RAPGEF2: variants seen among roughly 807,000 people sequenced by gnomAD.
RAPGEF2 encodes PDZ domain containing guanine nucleotide exchange factor (GEF) 1.
In RAPGEF2, 54 loss-of-function variants were observed where a neutral mutation model predicts 186.7. The ratio of observed to expected loss-of-function variants is 0.29; its 90% CI spans 0.23 to 0.36. The LOEUF (loss-of-function observed/expected upper bound fraction) is 0.36, where lower values mean the gene tolerates loss of function less well. RAPGEF2 is among the 10% of genes least tolerant of loss of function. The pLI is 1.00. For missense variants in RAPGEF2, 1,532 were observed against 2,045.0 expected (o/e 0.75, Z 4.84); for synonymous variants, 712 against 705.9 (o/e 1.01, Z -0.14).
chr4:159,114,463 C>A (rs1190444525), intron 1 of RAPGEF2, among the ~76,000 whole-genome samples: 1 of 152,056 alleles, frequency 6.6e-6, no homozygotes, highest in Non-Finnish European at 1.5e-5. Flanking sequence ...TCTTGAACTC[C>A]TGGGCTCAAG....
At chr4:159,141,712 A>G (rs1358027218) in intron 1 of RAPGEF2, among the ~76,000 whole-genome samples, 1 of 152,196 alleles carries the variant, frequency 6.6e-6, no homozygotes, top group Non-Finnish European at 1.5e-5. Flanking sequence ...ATGGATTTTC[A>G]TTAAACTTTA....
At chr4:159,120,563 C>T (rs1739560144) in intron 1 of RAPGEF2, among the ~76,000 whole-genome samples, 1 of 152,144 alleles carries the variant, frequency 6.6e-6, no homozygotes, top group Admixed American at 6.6e-5. Flanking sequence ...GATTTATATA[C>T]ATAAACTGCT....
At chr4:159,222,271 C>T (rs1315944596) in intron 4 of RAPGEF2, among the ~76,000 whole-genome samples, 2 of 152,180 alleles carry the variant, frequency 1.3e-5, no homozygotes, top group South Asian at 4.1e-4. Context: ...ATGCAGGCTT[C>T]TGTGGCCTTT....
intron 7 of RAPGEF2, among the ~76,000 whole-genome samples, chr4:159,266,533 G>A (rs967036671): frequency 1.3e-5 from 2 of 151,800 alleles, no homozygotes; most frequent in Non-Finnish European, 2.9e-5. Context: ...TAATGTATCC[G>A]CATTTTATTT....
intron 1 of RAPGEF2, among the ~76,000 whole-genome samples, chr4:159,113,390 A>G (rs1215208318): frequency 6.6e-6 from 1 of 152,198 alleles, no homozygotes; most frequent in African/African-American, 2.4e-5. Context: ...AAGGAAGCAT[A>G]GCTTTTGAAG....
intron 1 of RAPGEF2, among the ~76,000 whole-genome samples, chr4:159,157,693 A>G (rs1744277383): frequency 6.6e-6 from 1 of 152,238 alleles, no homozygotes; most frequent in African/African-American, 2.4e-5. Context: ...GGGAAACCTT[A>G]TGAGACAACA....
intron 4 of RAPGEF2, among the ~76,000 whole-genome samples, chr4:159,232,216 T>G (rs1752722466): frequency 6.6e-6 from 1 of 152,244 alleles, no homozygotes; most frequent in Non-Finnish European, 1.5e-5. Context: ...GTTGTGCCAC[T>G]AGTGGCGCTA....
chr4:159,328,164 C>G (rs1183756825), intron 11 of RAPGEF2: 1 of 152,032 alleles, frequency 6.6e-6, no homozygotes, highest in Non-Finnish European at 1.5e-5. Context: ...CATTCTAAAT[C>G]TCTTATATGT....
chr4:159,302,678 A>G (rs1434611384), intron 7 of RAPGEF2, among the ~76,000 whole-genome samples: 1 of 152,212 alleles, frequency 6.6e-6, no homozygotes, highest in Non-Finnish European at 1.5e-5. Context: ...ACTATTCTAC[A>G]TTATGAATGA....
intron 25 of RAPGEF2, among the ~76,000 whole-genome samples, chr4:159,348,762 A>G (rs1730759667): frequency 6.6e-6 from 1 of 152,200 alleles, no homozygotes; most frequent in Non-Finnish European, 1.5e-5. Flanking sequence ...CTGAAGCCAT[A>G]GCTCTCAAAA....
At chr4:159,198,290 CTT>C (rs879825750) in intron 3 of RAPGEF2, among the ~76,000 whole-genome samples, 11,051 of 42,688 alleles carry the variant, frequency 0.26, 1,268 homozygotes, top group African/African-American at 0.44. Context: ...TTCTTTCTTT[CTT>C]TCTTTCTTTC....
At chr4:159,291,425 A>G (rs1367471145) in intron 7 of RAPGEF2, among the ~76,000 whole-genome samples, 1 of 152,000 alleles carries the variant, frequency 6.6e-6, no homozygotes, top group Non-Finnish European at 1.5e-5. Context: ...CCTCCTTAGT[A>G]GCTGGGACTA....
At chr4:159,214,223 C>T (rs555001419) in intron 4 of RAPGEF2, among the ~76,000 whole-genome samples, 2 of 152,222 alleles carry the variant, frequency 1.3e-5, no homozygotes, top group Admixed American at 1.3e-4. Flanking sequence ...ATTGTGGACA[C>T]TGTTGTAAGG....
intron 7 of RAPGEF2, among the ~76,000 whole-genome samples, chr4:159,272,268 T>C (rs1285247592): frequency 6.6e-6 from 1 of 152,230 alleles, no homozygotes; most frequent in Admixed American, 6.5e-5. Context: ...AAGGATATAA[T>C]GTAACTTAAC....
chr4:159,284,352 A>G (rs999462184), intron 7 of RAPGEF2, among the ~76,000 whole-genome samples: 1 of 152,168 alleles, frequency 6.6e-6, no homozygotes, highest in Non-Finnish European at 1.5e-5. Context: ...TTTCTTGTAC[A>G]CATAACTCCA....
At chr4:159,293,069 T>C (rs968954822) in intron 7 of RAPGEF2, among the ~76,000 whole-genome samples, 1 of 152,184 alleles carries the variant, frequency 6.6e-6, no homozygotes, top group Non-Finnish European at 1.5e-5. Flanking sequence ...CAATGTATTA[T>C]ATATTAATAT....
chr4:159,349,160 T>C (rs578170624), intron 25 of RAPGEF2, among the ~76,000 whole-genome samples: 3 of 152,370 alleles, frequency 2.0e-5, no homozygotes, highest in African/African-American at 7.2e-5. Flanking sequence ...GATTTCTACA[T>C]GTAATCAAAC....
chr4:159,137,870 A>T (rs1741896195), intron 1 of RAPGEF2, among the ~76,000 whole-genome samples: 1 of 152,166 alleles, frequency 6.6e-6, no homozygotes, highest in African/African-American at 2.4e-5. Flanking sequence ...ACATTTCTTT[A>T]TCCTGTTTGA....
chr4:159,132,608 A>G (rs2111136103), intron 1 of RAPGEF2, among the ~76,000 whole-genome samples: 1 of 152,250 alleles, frequency 6.6e-6, no homozygotes, highest in East Asian at 1.9e-4. Context: ...TTTCTCATTT[A>G]TGCCTCCTTT....
Sources: allele counts gnomAD v4.1 joint callset (sites outside exome capture counted in the v4.1 genomes callset), GRCh38; gene constraint gnomAD v4.1.1; transcripts MANE v1.5; gene names NCBI Gene and HGNC (gene_info 2026-07-23, HGNC 2026-07-21).